The following KIFAP3 variants were observed in gnomAD, a reference collection of about 807,000 sequenced individuals.
KIFAP3 encodes the protein kinesin associated protein 3, also known as kinesin-associated protein 3.
KIFAP3 carries 68 observed loss-of-function variants against 106.5 expected under a neutral mutation model. The observed-to-expected ratio is 0.64, with a 90% CI of 0.53 to 0.78. KIFAP3 has a LOEUF of 0.78. Ranked by LOEUF, KIFAP3 falls within the 30% of genes least tolerant of loss-of-function variation. The probability of loss-of-function intolerance (pLI) is 0.00; values close to 1 mark genes in which losing one functional copy is unlikely to be tolerated. For synonymous variants in KIFAP3, 320 were observed against 311.5 expected, an observed-to-expected ratio of 1.03 and a Z score of -0.29; for missense variants, 780 against 941.8, an observed-to-expected ratio of 0.83 and a Z score of 2.25.
rs562021294 is a variant in KIFAP3 at position 169,926,445 on chromosome 1, T to C, written c.2274-4664A>G. Among the ~76,000 whole-genome samples the C allele has an allele frequency of 3.9e-5, 6 of 152,278 alleles. No individual in the cohort carries two copies. In the East Asian group the frequency reaches 5.8e-4, roughly 15 times the overall value. The stretch of plus-strand genomic sequence containing the variant: ...TACTTATGATGTGATCTGAAACCAG[T>C]ACAGAATAAAAGATCCTATATCTGA... On this transcript the variant is annotated intron_variant, in intron 19 of 19. Coordinates refer to ENST00000361580, the MANE Select transcript of KIFAP3 (RefSeq NM_014970.4).
chr1:170,038,510 T>C (rs1184468035), intron 4 of KIFAP3, 79 bp from the exon 5 acceptor site: 3 of 1,379,926 alleles, frequency 2.2e-6, no homozygotes, highest in Non-Finnish European at 3.0e-6. Context: ...TTGTGATCAA[T>C]ATACTGGCCT....
At chr1:170,013,528 A>G (rs930750961) in intron 10 of KIFAP3, among the ~76,000 whole-genome samples, 1 of 150,608 alleles carries the variant, frequency 6.6e-6, no homozygotes, top group African/African-American at 2.4e-5. Context: ...ATTTTAGGTA[A>G]TTGCATAATA....
chr1:169,953,448 A>C (rs938765654), intron 19 of KIFAP3, among the ~76,000 whole-genome samples: 1 of 133,926 alleles, frequency 7.5e-6, no homozygotes, highest in Non-Finnish European at 1.6e-5. Context: ...ATTAGGCAAA[A>C]GTATTGTTTG....
intron 10 of KIFAP3, among the ~76,000 whole-genome samples, chr1:169,995,757 G>A (rs1667337792): frequency 6.6e-6 from 1 of 151,908 alleles, no homozygotes; most frequent in Non-Finnish European, 1.5e-5. Context: ...ATTCAGGTAA[G>A]GTGAGAGGAA....
chr1:170,003,766 A>C lies in KIFAP3; in HGVS notation c.1184-11511T>G, dbSNP rs746363595. Among the ~76,000 whole-genome samples, 175 of 152,352 alleles carry C rather than the reference A, an allele frequency of 1.1e-3. 1 individual carries two copies. Among genetic ancestry groups the C allele is most frequent in the Non-Finnish European group, 1.8e-3 (121 of 68,044 alleles). On this transcript the variant is annotated intron_variant, in intron 10 of 19. Coordinates refer to ENST00000361580, the MANE Select transcript of KIFAP3 (RefSeq NM_014970.4). Reference sequence around the variant, plus strand: ...ACAGCCAATATCATACTGAATGGACAAAAACTGGAAGCATTCCCTTTGAAA... The same window carrying C: ...ACAGCCAATATCATACTGAATGGACCAAAACTGGAAGCATTCCCTTTGAAA...
At chr1:170,016,396 G>C in intron 10 of KIFAP3, 66 bp downstream of exon 10, 3 of 1,296,550 alleles carry the variant, frequency 2.3e-6, no homozygotes, top group Non-Finnish European at 2.2e-6. Context: ...TTTCAACACA[G>C]AGCTCAATTT....
intron 17 of KIFAP3, among the ~76,000 whole-genome samples, chr1:169,970,553 T>C (rs1424567341): frequency 5.3e-5 from 8 of 152,086 alleles, no homozygotes; most frequent in Non-Finnish European, 1.2e-4. Context: ...TTTGTTTTCT[T>C]ACAGGTAAAT....
chr1:169,940,752 A>T (rs945545147), intron 19 of KIFAP3, among the ~76,000 whole-genome samples: 3 of 152,172 alleles, frequency 2.0e-5, no homozygotes, highest in African/African-American at 7.2e-5. Context: ...CCTGATTTAG[A>T]GAATACCATT....
chr1:169,998,607 T>C (rs113994885), intron 10 of KIFAP3, among the ~76,000 whole-genome samples: 2,789 of 151,652 alleles, frequency 0.018, 72 homozygotes, highest in African/African-American at 0.063. Context: ...TAAATTTAAT[T>C]CCCCCCCTTT....
Position 170,049,098 on chromosome 1 carries a change from C to T in KIFAP3, c.165-2232G>A, listed in dbSNP as rs559913123. Among the ~76,000 whole-genome samples, 23 of 152,336 alleles carry T rather than the reference C, an allele frequency of 1.5e-4. No homozygotes were observed. The South Asian group carries it at 4.6e-3, about 30-fold the overall frequency. On this transcript the variant is annotated intron_variant, in intron 2 of 19. Coordinates refer to ENST00000361580, the MANE Select transcript of KIFAP3 (RefSeq NM_014970.4). ...TGGCTTGAAATTCTCACTGCCAGCACAGCAGTCTGGAGTTGATCTGGGATG... is the reference window on the plus strand; with the variant it reads ...TGGCTTGAAATTCTCACTGCCAGCATAGCAGTCTGGAGTTGATCTGGGATG...
At chr1:170,013,909 C>T (rs1308981796) in intron 10 of KIFAP3, among the ~76,000 whole-genome samples, 2 of 152,170 alleles carry the variant, frequency 1.3e-5, no homozygotes, top group Non-Finnish European at 2.9e-5. Flanking sequence ...TATCCCTGTT[C>T]CGTCACACTT....
chr1:170,083,184 C>T (rs555849731), intron 1 of KIFAP3, among the ~76,000 whole-genome samples: 157 of 152,186 alleles, frequency 1.0e-3, no homozygotes, highest in Non-Finnish European at 2.0e-3. Context: ...GACTGGAAAA[C>T]ATCCTGAGTT....
At chr1:170,059,537 CA>C (rs1256348394) in intron 1 of KIFAP3, among the ~76,000 whole-genome samples, 1 of 151,856 alleles carries the variant, frequency 6.6e-6, no homozygotes, top group Non-Finnish European at 1.5e-5. Flanking sequence ...GCCTACCAAC[CA>C]AAAAAAGTCC....
At chr1:169,930,965 G>A (rs1442473882) in intron 19 of KIFAP3, among the ~76,000 whole-genome samples, 1 of 143,506 alleles carries the variant, frequency 7.0e-6, no homozygotes, top group African/African-American at 2.6e-5. Flanking sequence ...TCTTGCCCAG[G>A]CTAGAGCGCA....
chr1:170,050,140 GAA>G (rs1454814388), intron 2 of KIFAP3, among the ~76,000 whole-genome samples: 1 of 152,060 alleles, frequency 6.6e-6, no homozygotes, highest in African/African-American at 2.4e-5. Flanking sequence ...AGTTTAGAGA[GAA>G]ACATAAATGA....
chr1:170,055,163 T>C (rs1472611516), intron 2 of KIFAP3, 142 bp downstream of exon 2: 1 of 712,532 alleles, frequency 1.4e-6, no homozygotes, highest in Non-Finnish European at 2.1e-6. Context: ...TACAGTTTAA[T>C]ATAATCTCTC....
At chr1:170,057,153 A>C (rs1670895351) in intron 1 of KIFAP3, among the ~76,000 whole-genome samples, 1 of 152,136 alleles carries the variant, frequency 6.6e-6, no homozygotes, top group African/African-American at 2.4e-5. Flanking sequence ...TTATAACTGT[A>C]TACAGTTAAG....
chr1:169,977,199 T>C (rs571806), intron 16 of KIFAP3, among the ~76,000 whole-genome samples: 141,391 of 152,278 alleles, frequency 0.93, 65,687 homozygotes, highest in East Asian at 1. Context: ...TTTAATTATA[T>C]GTAGTAAAAG....
Position 169,992,254 on chromosome 1 carries a change from G to A in KIFAP3, c.1185C>T (p.Gly395=), listed in dbSNP as rs754576435. 6.5e-7 allele frequency: 1 copy of A among 1,536,496 alleles called. No individual in the cohort carries two copies. Among genetic ancestry groups the A allele is most frequent in the Non-Finnish European group, 8.8e-7 (1 of 1,134,242 alleles). ...GLLPKLTALL[G]NDNYKQIAMC... is the part of the protein sequence containing the mutation. ...TTGCTATTTGTTTGTAGTTGTCATT[G>A]CCTAGGAATAAAACATCATGGTGAT... is the stretch of plus-strand genomic sequence containing the variant. The change falls in exon 11 of 20, where the codon GGC becomes GGT. Residue 395 remains glycine (G), a splice_region_variant and synonymous_variant. Coordinates refer to ENST00000361580, the MANE Select transcript of KIFAP3 (RefSeq NM_014970.4).
Sources: gnomAD v4.1 joint callset for allele counts (sites outside exome capture counted in the v4.1 genomes callset) on GRCh38, gnomAD v4.1.1 for gene constraint, MANE v1.5 for transcripts, NCBI Gene and HGNC (gene_info 2026-07-23, HGNC 2026-07-21) for gene names.